The following RAD51B variants were observed in gnomAD, a reference collection of about 807,000 sequenced individuals.
RAD51B encodes DNA repair protein RAD51 homolog 2.
In RAD51B, 38 loss-of-function variants were observed where a neutral mutation model predicts 42.2. The ratio of observed to expected loss-of-function variants is 0.90; its 90% CI spans 0.70 to 1.18. The LOEUF (loss-of-function observed/expected upper bound fraction) is 1.18. Ranked by LOEUF, RAD51B falls within the 50% of genes most tolerant of loss-of-function variation. The probability of loss-of-function intolerance (pLI) is 0.00; values close to 1 mark genes in which losing one functional copy is unlikely to be tolerated. For synonymous variants in RAD51B, 154 were observed against 145.2 expected, an observed-to-expected ratio of 1.06 and a Z score of -0.43; for missense variants, 373 against 400.7, an observed-to-expected ratio of 0.93 and a Z score of 0.59.
chr14:68,573,980 ATG>A (rs58865001), intron 10 of RAD51B, among the ~76,000 whole-genome samples: 94,120 of 149,670 alleles, frequency 0.63, 29,738 homozygotes, highest in Non-Finnish European at 0.68. Flanking sequence ...CAGTGTGTGT[ATG>A]TGTGTGTGTG....
chr14:67,991,309 G>C (rs1390611943), intron 7 of RAD51B, among the ~76,000 whole-genome samples: 2 of 152,174 alleles, frequency 1.3e-5, no homozygotes, highest in Non-Finnish European at 2.9e-5. Flanking sequence ...AGGTGATTTA[G>C]TAGATGCTAG....
At chr14:67,943,802 C>T (rs567866124) in intron 7 of RAD51B, among the ~76,000 whole-genome samples, 1 of 152,046 alleles carries the variant, frequency 6.6e-6, no homozygotes, top group African/African-American at 2.4e-5. Context: ...TATTGTGACA[C>T]GTGGGTTATA....
chr14:68,181,681 T>TA (rs1313551171), intron 7 of RAD51B, among the ~76,000 whole-genome samples: 1 of 152,160 alleles, frequency 6.6e-6, no homozygotes, highest in East Asian at 1.9e-4. Flanking sequence ...GAAAGGAAGT[T>TA]ACGGGAAATC....
intron 11 of RAD51B, among the ~76,000 whole-genome samples, chr14:68,661,939 C>T (rs1892941841): frequency 6.6e-6 from 1 of 152,230 alleles, no homozygotes; most frequent in African/African-American, 2.4e-5. Context: ...ACTTGAGAAC[C>T]TCTCTTTTAT....
chr14:68,408,553 G>T (rs1850248334), intron 8 of RAD51B, among the ~76,000 whole-genome samples: 1 of 152,168 alleles, frequency 6.6e-6, no homozygotes. Context: ...AGCAGACACT[G>T]CAAGCTTGAT....
chr14:68,364,971 G>A (rs2083110751), intron 8 of RAD51B, among the ~76,000 whole-genome samples: 3 of 152,282 alleles, frequency 2.0e-5, no homozygotes, highest in East Asian at 1.9e-4. Context: ...GCAGAGAGAC[G>A]CCCATGTCTG....
intron 7 of RAD51B, among the ~76,000 whole-genome samples, chr14:68,093,378 G>C (rs1376650778): frequency 1.3e-5 from 2 of 152,120 alleles, no homozygotes; most frequent in East Asian, 1.9e-4. Context: ...CAATTTCAGA[G>C]CCTGTTATTG....
At chr14:68,543,166 T>C (rs907018865) in intron 10 of RAD51B, among the ~76,000 whole-genome samples, 1 of 152,238 alleles carries the variant, frequency 6.6e-6, no homozygotes, top group Non-Finnish European at 1.5e-5. Flanking sequence ...ATAGGCAATA[T>C]GTAAACAAAT....
intron 7 of RAD51B, among the ~76,000 whole-genome samples, chr14:67,935,353 C>T (rs1455317129): frequency 2.6e-5 from 4 of 152,092 alleles, no homozygotes; most frequent in African/African-American, 9.7e-5. Flanking sequence ...GCCAATTCTA[C>T]AAATACAACT....
chr14:68,065,698 G>T (rs146220290), intron 7 of RAD51B, among the ~76,000 whole-genome samples: 2 of 152,108 alleles, frequency 1.3e-5, no homozygotes, highest in Non-Finnish European at 2.9e-5. Context: ...GTTTTGAGTG[G>T]CTGGGATTGA....
intron 7 of RAD51B, among the ~76,000 whole-genome samples, chr14:68,243,100 T>G (rs767437456): frequency 6.6e-6 from 1 of 152,214 alleles, no homozygotes; most frequent in Non-Finnish European, 1.5e-5. Flanking sequence ...GTTATTAAGA[T>G]GTGCTCTCCG....
intron 5 of RAD51B, among the ~76,000 whole-genome samples, chr14:67,875,052 T>C (rs1595045826): frequency 6.6e-6 from 1 of 151,824 alleles, no homozygotes; most frequent in African/African-American, 2.4e-5. Context: ...AACTGAGGGA[T>C]GTAGGGAAGT....
chr14:67,928,482 A>T (rs898336880), intron 7 of RAD51B, among the ~76,000 whole-genome samples: 1 of 151,962 alleles, frequency 6.6e-6, no homozygotes, highest in Non-Finnish European at 1.5e-5. Flanking sequence ...CAGCCCAGGG[A>T]TTGGTTTTAC....
chr14:67,859,940 C>T (rs2042112425), intron 4 of RAD51B, among the ~76,000 whole-genome samples: 1 of 152,112 alleles, frequency 6.6e-6, no homozygotes, highest in Non-Finnish European at 1.5e-5. Context: ...CCTGTCTCAG[C>T]CTCCCGAGGA....
At chr14:68,554,250 A>C (rs1366033484) in intron 10 of RAD51B, among the ~76,000 whole-genome samples, 2 of 152,216 alleles carry the variant, frequency 1.3e-5, no homozygotes, top group African/African-American at 4.8e-5. Context: ...GTTGGAAAAC[A>C]AAAGTCTCAA....
chr14:68,274,341 C>T (rs542640838), intron 7 of RAD51B, among the ~76,000 whole-genome samples: 2 of 152,076 alleles, frequency 1.3e-5, no homozygotes, highest in African/African-American at 2.4e-5. Flanking sequence ...TTCTTCCTTC[C>T]TTTCTTGTTT....
At chr14:68,458,927 T>C (rs890325544) in intron 9 of RAD51B, among the ~76,000 whole-genome samples, 46 of 152,348 alleles carry the variant, frequency 3.0e-4, no homozygotes, top group Middle Eastern at 3.4e-3. Context: ...AAACTCATTC[T>C]CTGCTCTGCC....
At chr14:68,155,754 G>A (rs538000999) in intron 7 of RAD51B, among the ~76,000 whole-genome samples, 1 of 152,314 alleles carries the variant, frequency 6.6e-6, no homozygotes, top group Non-Finnish European at 1.5e-5. Context: ...AAAAGTTCAT[G>A]GGTAAAGAGC....
intron 8 of RAD51B, among the ~76,000 whole-genome samples, chr14:68,360,434 C>A (rs1366138040): frequency 6.6e-6 from 1 of 152,228 alleles, no homozygotes; most frequent in African/African-American, 2.4e-5. Context: ...ACATCAGGGC[C>A]CAACCTTAGG....
Sources: gnomAD v4.1 joint callset for allele counts (sites outside exome capture counted in the v4.1 genomes callset) on GRCh38, gnomAD v4.1.1 for gene constraint, MANE v1.5 for transcripts, NCBI Gene and HGNC (gene_info 2026-07-23, HGNC 2026-07-21) for gene names.